The following SHISAL2A variants were observed in gnomAD, a reference collection of about 807,000 sequenced individuals.
SHISAL2A encodes protein shisa-like-2A.
Under a neutral mutation model 11.5 loss-of-function variants are expected in SHISAL2A, and 18 were observed. The observed-to-expected ratio is 1.57, with a 90% confidence interval of 1.08 to 2.33. The LOEUF is 2.33. Ranked by LOEUF, SHISAL2A falls within the 30% of genes most tolerant of loss-of-function variation. SHISAL2A has a pLI of 0.00. For missense variants in SHISAL2A, 261 were observed against 250.9 expected, an observed-to-expected ratio of 1.04 and a Z score of -0.27; for synonymous variants, 94 against 99.6, an observed-to-expected ratio of 0.94 and a Z score of 0.34.
At chr1:52,659,555 C>T (rs1327369250), downstream of SHISAL2A, 4 of 152,674 alleles carry the variant, frequency 2.6e-5, no homozygotes, top group Non-Finnish European at 5.9e-5. Context: ...TGAGCTGAAT[C>T]ATCAAAGATG....
intron 2 of SHISAL2A, among the ~76,000 whole-genome samples, chr1:52,646,054 A>C (rs568619426): frequency 6.6e-6 from 1 of 152,234 alleles, no homozygotes; most frequent in African/African-American, 2.4e-5. Context: ...AGAATTGGGC[A>C]ATGCAGTGGT....
intron 2 of SHISAL2A, among the ~76,000 whole-genome samples, chr1:52,649,371 A>C (rs1691574418): frequency 6.6e-6 from 1 of 152,166 alleles, no homozygotes; most frequent in Non-Finnish European, 1.5e-5. Context: ...TGCGATGTCA[A>C]CCCAGATCTC....
rs905353456 is a variant in SHISAL2A at position 52,633,408 on chromosome 1, C to T, written c.-86C>T. The stretch of plus-strand genomic sequence containing the variant: ...TCTCTGCCGTTCTCAGGCTCAGCTC[C>T]GTCTCGCTCGGTCCCTCGCTTCCCC... On this transcript the variant is annotated 5_prime_UTR_variant, in exon 1 of 3. Transcript: ENST00000517870. The surrounding 1 kb of genome is among the most constrained non-coding windows in gnomAD (Gnocchi z 6.4). 2 of 1,206,636 alleles carry T rather than the reference C, an allele frequency of 1.7e-6. No individual in the cohort carries two copies. Among genetic ancestry groups the T allele is most frequent in the African/African-American group, 1.6e-5 (1 of 61,710 alleles). 74.7% of individuals were successfully genotyped at this position (1,206,636 alleles called of 1,614,324 possible). A position where few individuals can be genotyped will look rare whatever the true frequency, so the allele number is the denominator to read the frequency against.
chr1:52,646,015 T>C (rs1447034965), intron 2 of SHISAL2A, among the ~76,000 whole-genome samples: 1 of 152,204 alleles, frequency 6.6e-6, no homozygotes, highest in Admixed American at 6.5e-5. Flanking sequence ...AATATAAGTT[T>C]TGTGATATTG....
intron 2 of SHISAL2A, among the ~76,000 whole-genome samples, chr1:52,652,150 A>G (rs1034321467): frequency 2.6e-5 from 4 of 152,154 alleles, no homozygotes; most frequent in Non-Finnish European, 5.9e-5. Flanking sequence ...AGGATTAGGT[A>G]AAGAGCTGGG....
exon 6 of SHISAL2A, chr1:52,668,967 C>T (rs1208192622): frequency 6.6e-6 from 1 of 152,310 alleles, no homozygotes; most frequent in Non-Finnish European, 1.5e-5. Context: ...CTCTGGGCAG[C>T]CCCTGAACCG....
At position 52,643,035 on chromosome 1, in the gene SHISAL2A, C is replaced by T. The variant is rs560791248; in HGVS notation, c.322+33C>T. On this transcript the variant is annotated intron_variant, in intron 2 of 2. Coordinates refer to ENST00000517870, the MANE Select transcript of SHISAL2A (RefSeq NM_001042693.3). Reference sequence around the variant, plus strand: ...AGTTGCCAGGTGATGTCCTTGTATTCGGTAGACTAGCACCTTTTCAAGGGG... The same window carrying T: ...AGTTGCCAGGTGATGTCCTTGTATTTGGTAGACTAGCACCTTTTCAAGGGG... The T allele has an allele frequency of 2.6e-5, 42 of 1,609,132 alleles. No individual in the cohort carries two copies. In the South Asian group the frequency reaches 4.0e-4, roughly 15 times the overall value.
At chr1:52,652,370 T>G (rs958040914) in intron 2 of SHISAL2A, among the ~76,000 whole-genome samples, 19 of 152,164 alleles carry the variant, frequency 1.2e-4, no homozygotes, top group Admixed American at 1.1e-3. Flanking sequence ...CAAAAAGAAC[T>G]CCATCACTCT....
intron 2 of SHISAL2A, among the ~76,000 whole-genome samples, chr1:52,654,905 G>A (rs1416019779): frequency 2.6e-5 from 4 of 152,176 alleles, no homozygotes; most frequent in Admixed American, 6.5e-5. Context: ...AGGATTGGTC[G>A]GGTGTGGTGG....
At chr1:52,654,046 C>T (rs903605244) in intron 2 of SHISAL2A, among the ~76,000 whole-genome samples, 6 of 152,074 alleles carry the variant, frequency 3.9e-5, no homozygotes, top group African/African-American at 4.8e-5. Flanking sequence ...GCTCAGACCC[C>T]CACAATTGGA....
intron 2 of SHISAL2A, among the ~76,000 whole-genome samples, chr1:52,651,233 G>A (rs1312425712): frequency 6.6e-6 from 1 of 151,142 alleles, no homozygotes. Flanking sequence ...TATTGCAAAG[G>A]TTTTTTGTTT....
rs1168179376 is a variant in SHISAL2A at position 52,633,340 on chromosome 1, T to C, written c.-154T>C. 5.8e-6 allele frequency: 4 copies of C among 691,448 alleles called. No individual in the cohort carries two copies. Among genetic ancestry groups the C allele is most frequent in the Non-Finnish European group, 8.7e-6 (4 of 458,002 alleles). The allele number at this position is 691,448 out of a possible 1,614,324, so 42.8% of individuals were successfully genotyped here. A position where few individuals can be genotyped will look rare whatever the true frequency, so the allele number is the denominator to read the frequency against. The stretch of plus-strand genomic sequence containing the variant: ...CCGCTCGGTCCTCGGGGCCCCGCGC[T>C]GCTGTCTCTGTCTCGGCTTCTCTCG... On this transcript the variant is annotated 5_prime_UTR_variant, in exon 1 of 3. Transcript: ENST00000517870. The surrounding 1 kb of genome is among the most constrained non-coding windows in gnomAD (Gnocchi z 6.4).
chr1:52,653,344 C>T (rs950097456), intron 2 of SHISAL2A, among the ~76,000 whole-genome samples: 1 of 148,864 alleles, frequency 6.7e-6, no homozygotes. Flanking sequence ...GCCTGTAGTC[C>T]CAGCTACTGG....
At chr1:52,659,706 G>A (rs142577695), downstream of SHISAL2A, 3 of 152,430 alleles carry the variant, frequency 2.0e-5, no homozygotes, top group African/African-American at 4.8e-5. Context: ...TTGTATATAT[G>A]TGGTGGGGCT....
In SHISAL2A at chr1:52,642,888, G is replaced by C. The variant is rs557241775; in HGVS notation, c.208G>C (p.Val70Leu). ...LSIGALIGLS[V>L]AAVVLLAFIV... ...CATTGGCGCTCTCATAGGCCTGTCC[G>C]TAGCAGCAGTGGTTCTTCTCGCCTT... Residue 70 changes from valine to leucine, a missense_variant, in exon 2 of 3, where the codon GTA becomes CTA. Transcript: ENST00000517870. 1 of 1,613,592 alleles carries C rather than the reference G, an allele frequency of 6.2e-7. No individual in the cohort carries two copies.
intron 2 of SHISAL2A, among the ~76,000 whole-genome samples, chr1:52,647,613 A>G (rs1164614030): frequency 6.6e-6 from 1 of 152,114 alleles, no homozygotes; most frequent in African/African-American, 2.4e-5. Flanking sequence ...AGGGAGGTGG[A>G]GGCGGGCAGA....
intron 2 of SHISAL2A, among the ~76,000 whole-genome samples, chr1:52,648,070 TATATC>T: frequency 2.6e-5 from 1 of 37,940 alleles, no homozygotes; most frequent in Non-Finnish European, 4.8e-5. Flanking sequence ...TATATATTAA[TATATC>T]ATATAATTAT....
intron 1 of SHISAL2A, among the ~76,000 whole-genome samples, chr1:52,640,404 C>T (rs1281338902): frequency 4.6e-5 from 7 of 152,098 alleles, no homozygotes; most frequent in Non-Finnish European, 1.0e-4. Context: ...ATAGTAGGTA[C>T]CAAAGGATAT....
intron 1 of SHISAL2A, among the ~76,000 whole-genome samples, chr1:52,639,241 A>G (rs775193958): frequency 6.6e-6 from 1 of 152,278 alleles, no homozygotes; most frequent in East Asian, 1.9e-4. Context: ...ATAAGATCCA[A>G]GGGGCCCCAG....
Sources: gnomAD v4.1 joint callset for allele counts (sites outside exome capture counted in the v4.1 genomes callset) on GRCh38, gnomAD v4.1.1 for gene constraint, Gnocchi (gnomAD v3.1) non-coding constraint, MANE v1.5 for transcripts, NCBI Gene and HGNC (gene_info 2026-07-23, HGNC 2026-07-21) for gene names.